Variants in TM6SF1 observed in about 807,000 individuals in gnomAD.
TM6SF1 encodes the protein transmembrane 6 superfamily member 1.
Under a neutral mutation model 47.1 loss-of-function variants are expected in TM6SF1, and 43 were observed. That is an observed-to-expected ratio of 0.91 (90% CI 0.72 to 1.18). The LOEUF (loss-of-function observed/expected upper bound fraction) is 1.18. Ranked by LOEUF, TM6SF1 falls within the 50% of genes most tolerant of loss-of-function variation. The probability of loss-of-function intolerance (pLI) is 0.00; values close to 1 mark genes in which losing one functional copy is unlikely to be tolerated. For missense variants in TM6SF1, 390 were observed against 449.0 expected (o/e 0.87, Z 1.19); for synonymous variants, 177 against 166.3 (o/e 1.06, Z -0.49).
At chr15:83,116,236 A>G (rs2034648707) in intron 3 of TM6SF1, among the ~76,000 whole-genome samples, 1 of 152,152 alleles carries the variant, frequency 6.6e-6, no homozygotes, top group South Asian at 2.1e-4. Flanking sequence ...GGTACCTTAA[A>G]TGGATTTAGT....
At chr15:83,111,531 C>A in intron 1 of TM6SF1, 1 of 764,010 alleles carries the variant, frequency 1.3e-6, no homozygotes, top group Non-Finnish European at 1.6e-6. Context: ...TCTATTTGTT[C>A]CCCCCTTCCC....
Position 83,136,641 on chromosome 15 carries a change from T to TA in TM6SF1, c.1087dup (p.Thr363AsnfsTer19). The TA allele has an allele frequency of 1.3e-6, 2 of 1,599,714 alleles. No individual in the cohort carries two copies. Among genetic ancestry groups the TA allele is most frequent in the Non-Finnish European group, 1.7e-6 (2 of 1,176,480 alleles). ...TGTATCTACAAACCAGAGTTCTTCA[T>TA]AAAAACAAAGGCAGAAGAAAAAGTG... On this transcript the variant is annotated frameshift_variant, in exon 10 of 10. Transcript: ENST00000322019. LOFTEE classifies it high-confidence loss of function.
At chr15:83,116,655 G>A (rs2034687249) in intron 3 of TM6SF1, among the ~76,000 whole-genome samples, 1 of 152,204 alleles carries the variant, frequency 6.6e-6, no homozygotes, top group Admixed American at 6.5e-5. Context: ...TGCAGGGAAG[G>A]GTCCGTGCCA....
At position 83,124,661 on chromosome 15, in the gene TM6SF1, C is replaced by T. The variant is rs1262132223; in HGVS notation, c.604-11C>T. 1.9e-6 allele frequency: 3 copies of T among 1,611,336 alleles called. No homozygotes were observed. Among genetic ancestry groups the T allele is most frequent in the South Asian group, 1.1e-5 (1 of 90,896 alleles). On this transcript the variant is annotated splice_polypyrimidine_tract_variant and intron_variant, in intron 6 of 9. Transcript: ENST00000322019. ...TTTGGGCCTGCTCTTTAGGTACAAACTCTATTTTAGGTTATTCAAGAAGCC... is the reference window on the plus strand; with the variant it reads ...TTTGGGCCTGCTCTTTAGGTACAAATTCTATTTTAGGTTATTCAAGAAGCC...
At position 83,126,146 on chromosome 15, in the gene TM6SF1, T is replaced by C. The variant is rs571068627; in HGVS notation, c.709-609T>C. 1.6e-4 allele frequency among the ~76,000 whole-genome samples: 25 copies of C among 152,282 alleles called. 1 individual carries two copies. The South Asian group carries it at 4.6e-3, about 28-fold the overall frequency. On this transcript the variant is annotated intron_variant, in intron 7 of 9. Transcript: ENST00000322019. ...GGGGCCATTTTTACCAACTCTGTCA[T>C]TGGCCTGTGTTCATATATGCCATCT... is the stretch of plus-strand genomic sequence containing the variant.
Position 83,124,834 on chromosome 15 carries a change from GA to G in TM6SF1, c.708+65del, listed in dbSNP as rs934180875. ...GTGATACTACTCACATTTCCAAATGGAAAAAAACTTAGAAATATGTTTTTGT... is the reference window on the plus strand; with the variant it reads ...GTGATACTACTCACATTTCCAAATGGAAAAAACTTAGAAATATGTTTTTGT... On this transcript the variant is annotated intron_variant, in intron 7 of 9. Coordinates refer to ENST00000322019, the MANE Select transcript of TM6SF1 (RefSeq NM_023003.5). The G allele has an allele frequency of 5.8e-6, 8 of 1,369,232 alleles. No homozygotes were observed. The South Asian group carries it at 7.3e-5, about 12-fold the overall frequency. The allele number at this position is 1,369,232 out of a possible 1,614,324, so 84.8% of individuals were successfully genotyped here. A position where few individuals can be genotyped will look rare whatever the true frequency, so the allele number is the denominator to read the frequency against.
At chr15:83,132,102 A>T (rs2036292496) in intron 9 of TM6SF1, 1 of 152,194 alleles carries the variant, frequency 6.6e-6, no homozygotes, top group Non-Finnish European at 1.5e-5. Context: ...CTGTAAAGTG[A>T]GGATAATAAC....
intron 9 of TM6SF1, chr15:83,132,500 G>C (rs920025157): frequency 6.6e-6 from 1 of 152,156 alleles, no homozygotes; most frequent in Non-Finnish European, 1.5e-5. Flanking sequence ...TTCTCACAAA[G>C]AGATATGGAA....
chr15:83,122,400 T>C (rs953903864), intron 5 of TM6SF1, among the ~76,000 whole-genome samples: 25 of 150,384 alleles, frequency 1.7e-4, no homozygotes, highest in Non-Finnish European at 1.5e-5. Flanking sequence ...TATAGGTAGA[T>C]AGATAGATAG....
chr15:83,122,685 G>A, intron 5 of TM6SF1, 72 bp from the exon 6 acceptor site: 1 of 1,542,870 alleles, frequency 6.5e-7, no homozygotes, highest in Non-Finnish European at 8.8e-7. Context: ...CCTGAGATGG[G>A]GAGGTATCCT....
intron 1 of TM6SF1, among the ~76,000 whole-genome samples, chr15:83,110,248 T>C (rs1230648953): frequency 1.3e-5 from 2 of 152,134 alleles, no homozygotes; most frequent in Admixed American, 6.6e-5. Context: ...CCCCTCTCAG[T>C]AGGTGTCTGT....
At chr15:83,117,352 G>A (rs532239388) in intron 3 of TM6SF1, among the ~76,000 whole-genome samples, 1 of 152,172 alleles carries the variant, frequency 6.6e-6, no homozygotes, top group Admixed American at 6.5e-5. Flanking sequence ...AGCAGTCCTG[G>A]AAGAGAGAGT....
intron 1 of TM6SF1, among the ~76,000 whole-genome samples, chr15:83,111,220 C>T (rs1330149170): frequency 3.9e-5 from 6 of 152,054 alleles, no homozygotes; most frequent in Non-Finnish European, 5.9e-5. Flanking sequence ...CATCCATCCT[C>T]CATACATTCA....
At position 83,136,482 on chromosome 15, in the gene TM6SF1, C is replaced by A. The variant is rs1306207689; in HGVS notation, c.923C>A (p.Ala308Asp). 1.9e-6 allele frequency: 3 copies of A among 1,574,262 alleles called. No individual in the cohort carries two copies. Among genetic ancestry groups the A allele is most frequent in the Non-Finnish European group, 2.6e-6 (3 of 1,167,250 alleles). Residue 308 changes from alanine to aspartate, a missense_variant and splice_region_variant, in exon 10 of 10, where the codon GCT becomes GAT. Transcript: ENST00000322019. ...ATTTTTTTTTTTTAAATGCAACAGG[C>A]TCAGTTTTCTCACATTGGTGCATCT... ...TLIHAGGLAQ[A>D]QFSHIGASLH...
Position 83,127,361 on chromosome 15 carries a change from C to T in TM6SF1, c.805C>T (p.Leu269=). Residue 269 remains leucine (L), a synonymous_variant, in exon 9 of 10, where the codon CTG becomes TTG. Coordinates refer to ENST00000322019, the MANE Select transcript of TM6SF1 (RefSeq NM_023003.5). ...DPAAYPKIQM[L]AYMFYSVPYF... is the part of the protein sequence containing the mutation. ...GTTATTTCTCTGTTCAATACAGATG[C>T]TGGCATATATGTTCTATTCTGTTCC... 1.2e-6 allele frequency: 2 copies of T among 1,611,320 alleles called. No individual in the cohort carries two copies. The highest frequency in any genetic ancestry group is 1.7e-6 in the Non-Finnish European group (2 of 1,179,030).
At chr15:83,123,160 G>C (rs2035425837) in intron 6 of TM6SF1, among the ~76,000 whole-genome samples, 1 of 152,220 alleles carries the variant, frequency 6.6e-6, no homozygotes. Flanking sequence ...CTGCATTAGT[G>C]TGTCAAGTGA....
rs1325045779 is a variant in TM6SF1, at chr15:83,136,798, C to A, written c.*126C>A. On this transcript the variant is annotated 3_prime_UTR_variant, in exon 10 of 10. Transcript: ENST00000322019. ...AGAATATGTACATTCTTGCTCTGCA[C>A]TGTATGTGTGAGCTATATGGTATTG... 3.9e-6 allele frequency: 3 copies of A among 775,558 alleles called. No individual in the cohort carries two copies. Among genetic ancestry groups the A allele is most frequent in the Non-Finnish European group, 4.0e-6 (2 of 498,262 alleles). The allele number at this position is 775,558 out of a possible 1,614,324, so 48.0% of individuals were successfully genotyped here.
At position 83,136,835 on chromosome 15, in the gene TM6SF1, T is replaced by C; in HGVS notation, c.*163T>C. The stretch of plus-strand genomic sequence containing the variant: ...GCTATATGGTATTGTGTAAATTTTT[T>C]TTGAAGGAAAATGGAAATTCTTGAG... On this transcript the variant is annotated 3_prime_UTR_variant, in exon 10 of 10. Transcript: ENST00000322019. The C allele has an allele frequency of 2.1e-6, 1 of 477,514 alleles. No homozygotes were observed. 29.6% of individuals were successfully genotyped at this position (477,514 alleles called of 1,614,324 possible).
chr15:83,136,798 C>G lies in TM6SF1; in HGVS notation c.*126C>G. 10 of 775,662 alleles carry G rather than the reference C, an allele frequency of 1.3e-5. No individual in the cohort carries two copies. Among genetic ancestry groups the G allele is most frequent in the South Asian group, 2.2e-5 (1 of 45,528 alleles). 48.0% of individuals were successfully genotyped at this position (775,662 alleles called of 1,614,324 possible). A position where few individuals can be genotyped will look rare whatever the true frequency, so the allele number is the denominator to read the frequency against. Reference sequence around the variant, plus strand: ...AGAATATGTACATTCTTGCTCTGCACTGTATGTGTGAGCTATATGGTATTG... The same window carrying G: ...AGAATATGTACATTCTTGCTCTGCAGTGTATGTGTGAGCTATATGGTATTG... On this transcript the variant is annotated 3_prime_UTR_variant, in exon 10 of 10. Coordinates refer to ENST00000322019, the MANE Select transcript of TM6SF1 (RefSeq NM_023003.5).
Sources: gnomAD v4.1 joint callset for allele counts (sites outside exome capture counted in the v4.1 genomes callset) on GRCh38, gnomAD v4.1.1 for gene constraint, MANE v1.5 for transcripts, NCBI Gene and HGNC (gene_info 2026-07-23, HGNC 2026-07-21) for gene names.